Variants in LRRC4C observed in about 807,000 individuals in gnomAD.
LRRC4C encodes leucine rich repeat containing 4C.
LRRC4C carries 5 observed loss-of-function variants against 33.6 expected under a neutral mutation model. That is an observed-to-expected ratio of 0.15 (90% CI 0.08 to 0.31). The LOEUF is 0.31. Ranked by LOEUF, LRRC4C falls within the 10% of genes least tolerant of loss-of-function variation. The pLI is 1.00. For missense variants in LRRC4C, 560 were observed against 796.7 expected (o/e 0.70, Z 3.58); for synonymous variants, 329 against 302.0 (o/e 1.09, Z -0.93).
At chr11:40,787,469 G>A (rs1171484377) in intron 2 of LRRC4C, among the ~76,000 whole-genome samples, 3 of 152,160 alleles carry the variant, frequency 2.0e-5, no homozygotes, top group Non-Finnish European at 4.4e-5. Flanking sequence ...ATTCTCCATT[G>A]CATGTCTACA....
At chr11:40,716,444 AAAC>A (rs1456942621) in intron 2 of LRRC4C, among the ~76,000 whole-genome samples, 6 of 152,232 alleles carry the variant, frequency 3.9e-5, no homozygotes, top group South Asian at 2.1e-4. Context: ...GCTTCCATAA[AAAC>A]AACAACAACA....
intron 2 of LRRC4C, among the ~76,000 whole-genome samples, chr11:40,913,768 T>C (rs1284472301): frequency 6.6e-6 from 1 of 152,152 alleles, no homozygotes; most frequent in Non-Finnish European, 1.5e-5. Context: ...AGCTGGTTTT[T>C]TGAAAAGATC....
chr11:40,991,915 C>T (rs1853599787), intron 1 of LRRC4C, among the ~76,000 whole-genome samples: 1 of 152,102 alleles, frequency 6.6e-6, no homozygotes, highest in Admixed American at 6.5e-5. Context: ...TAACAGGCCA[C>T]CAACTGGTGC....
intron 1 of LRRC4C, among the ~76,000 whole-genome samples, chr11:41,046,605 A>C (rs889336561): frequency 2.6e-5 from 4 of 152,110 alleles, no homozygotes; most frequent in Non-Finnish European, 5.9e-5. Flanking sequence ...TGTTATTTCT[A>C]ATTTTGTTTC....
intron 1 of LRRC4C, among the ~76,000 whole-genome samples, chr11:40,956,246 G>T (rs1255856719): frequency 6.6e-6 from 1 of 151,744 alleles, no homozygotes; most frequent in African/African-American, 2.4e-5. Flanking sequence ...TTCCTGGATT[G>T]TAAAATACAT....
At chr11:40,334,799 T>G (rs973951640) in intron 3 of LRRC4C, among the ~76,000 whole-genome samples, 1 of 152,210 alleles carries the variant, frequency 6.6e-6, no homozygotes, top group Non-Finnish European at 1.5e-5. Context: ...CTCCCTTTTA[T>G]CTTTCCTTCT....
At chr11:40,671,688 A>ATGTG (rs1318933332) in intron 2 of LRRC4C, among the ~76,000 whole-genome samples, 12 of 25,898 alleles carry the variant, frequency 4.6e-4, no homozygotes, top group African/African-American at 2.5e-3. Flanking sequence ...TAGTATATAT[A>ATGTG]TATGTGTGTA....
intron 3 of LRRC4C, among the ~76,000 whole-genome samples, chr11:40,408,584 G>A (rs1950044089): frequency 1.3e-5 from 2 of 151,930 alleles, no homozygotes; most frequent in South Asian, 4.1e-4. Flanking sequence ...AATAAATGCA[G>A]AATAAGGTCT....
chr11:41,392,322 G>A (rs1953630451), intron 1 of LRRC4C, among the ~76,000 whole-genome samples: 1 of 151,800 alleles, frequency 6.6e-6, no homozygotes. Context: ...TAGATTAACT[G>A]TTTTTGTACA....
chr11:40,916,381 G>A (rs573422046), intron 2 of LRRC4C, among the ~76,000 whole-genome samples: 2 of 152,142 alleles, frequency 1.3e-5, no homozygotes, highest in African/African-American at 4.8e-5. Flanking sequence ...AAAATGATGA[G>A]TTCATGTCCT....
chr11:41,427,791 C>A (rs1347960262), intron 1 of LRRC4C, among the ~76,000 whole-genome samples: 4 of 152,200 alleles, frequency 2.6e-5, no homozygotes, highest in African/African-American at 7.2e-5. Context: ...CCTGTTCCTG[C>A]CTTACTGATG....
At chr11:40,144,368 G>C (rs957717948) in intron 5 of LRRC4C, among the ~76,000 whole-genome samples, 1 of 151,944 alleles carries the variant, frequency 6.6e-6, no homozygotes, top group Admixed American at 6.6e-5. Context: ...AGCACTGTTC[G>C]AAACACTTAC....
chr11:41,040,622 A>G (rs1158716867), intron 1 of LRRC4C, among the ~76,000 whole-genome samples: 1 of 152,218 alleles, frequency 6.6e-6, no homozygotes, highest in East Asian at 1.9e-4. Context: ...GCCAAGAAAA[A>G]GGACTTCAAA....
At chr11:40,329,381 C>T (rs1946244339) in intron 3 of LRRC4C, among the ~76,000 whole-genome samples, 1 of 152,106 alleles carries the variant, frequency 6.6e-6, no homozygotes, top group South Asian at 2.1e-4. Flanking sequence ...GCAACGGAAA[C>T]AGTGCTGTAA....
chr11:40,421,815 C>A (rs1950533995), intron 3 of LRRC4C, among the ~76,000 whole-genome samples: 1 of 152,192 alleles, frequency 6.6e-6, no homozygotes, highest in Non-Finnish European at 1.5e-5. Flanking sequence ...CACTGAGATG[C>A]ATTGATCTGT....
At chr11:40,712,346 A>G (rs1171649409) in intron 2 of LRRC4C, among the ~76,000 whole-genome samples, 3 of 152,156 alleles carry the variant, frequency 2.0e-5, no homozygotes, top group Non-Finnish European at 2.9e-5. Context: ...GATTTCCCCC[A>G]GATCCCATAG....
intron 4 of LRRC4C, among the ~76,000 whole-genome samples, chr11:40,314,778 T>C (rs1945495135): frequency 6.6e-6 from 1 of 152,092 alleles, no homozygotes; most frequent in Non-Finnish European, 1.5e-5. Context: ...GACATTATGT[T>C]AAGTGAAATA....
chr11:41,246,642 C>T (rs1212159042), intron 1 of LRRC4C, among the ~76,000 whole-genome samples: 5 of 152,218 alleles, frequency 3.3e-5, no homozygotes, highest in African/African-American at 1.2e-4. Context: ...GCAGTGGCCA[C>T]TCCAGACTGG....
At position 41,100,585 on chromosome 11, in the gene LRRC4C, T is replaced by C. The variant is rs372364393; in HGVS notation, c.-495-166862A>G. ...GTCCATCTCAAAATAATAATAATAA[T>C]AATAACAATAATAATAAAAATAGCC... is the stretch of plus-strand genomic sequence containing the variant. On this transcript the variant is annotated intron_variant, in intron 1 of 6. Transcript: ENST00000528697. Among the ~76,000 whole-genome samples, 8 of 151,596 alleles carry C rather than the reference T, an allele frequency of 5.3e-5. No homozygotes were observed. The East Asian group carries it at 1.6e-3, about 29-fold the overall frequency.
Sources: allele counts gnomAD v4.1 joint callset (sites outside exome capture counted in the v4.1 genomes callset), GRCh38; gene constraint gnomAD v4.1.1; transcripts MANE v1.5; gene names NCBI Gene and HGNC (gene_info 2026-07-23, HGNC 2026-07-21).